Variants in TMEM132B observed in about 807,000 individuals in gnomAD.
TMEM132B encodes the protein transmembrane protein 132B.
Under a neutral mutation model 90.8 loss-of-function variants are expected in TMEM132B, and 18 were observed. That is an observed-to-expected ratio of 0.20 (90% confidence interval 0.14 to 0.29). The LOEUF (loss-of-function observed/expected upper bound fraction) is 0.29. TMEM132B is among the 10% of genes least tolerant of loss of function. TMEM132B has a pLI of 1.00. For missense variants in TMEM132B, 1,096 were observed against 1,326.8 expected, an observed-to-expected ratio of 0.83 and a Z score of 2.70; for synonymous variants, 504 against 523.3, an observed-to-expected ratio of 0.96 and a Z score of 0.50.
intron 3 of TMEM132B, among the ~76,000 whole-genome samples, chr12:125,451,483 A>C (rs1881149901): frequency 6.6e-6 from 1 of 152,222 alleles, no homozygotes; most frequent in African/African-American, 2.4e-5. Context: ...AAATATTGAC[A>C]ATAAATGAAT....
intron 3 of TMEM132B, among the ~76,000 whole-genome samples, chr12:125,461,439 C>T (rs1180757024): frequency 6.6e-6 from 1 of 152,246 alleles, no homozygotes; most frequent in Non-Finnish European, 1.5e-5. Flanking sequence ...AGGGCTGGTA[C>T]TGGCCCCGGG....
intron 4 of TMEM132B, among the ~76,000 whole-genome samples, chr12:125,548,870 G>T (rs577122729): frequency 4.6e-5 from 7 of 152,336 alleles, no homozygotes; most frequent in African/African-American, 1.4e-4. Flanking sequence ...TGCTAGGAAG[G>T]AGGTGCAGAG....
chr12:125,209,927 C>T lies in TMEM132B; in HGVS notation c.67+23061C>T, dbSNP rs1873281414. Among the ~76,000 whole-genome samples, 1 of 152,146 alleles carries T rather than the reference C, an allele frequency of 6.6e-6. No individual in the cohort carries two copies. Among genetic ancestry groups the T allele is most frequent in the South Asian group, 2.1e-4 (1 of 4,828 alleles). ...GTCCTGTGAGTCTCGTAGGTGCCTGCTCATTCGCTTGGTCATTCATTCATT... is the reference window on the plus strand; with the variant it reads ...GTCCTGTGAGTCTCGTAGGTGCCTGTTCATTCGCTTGGTCATTCATTCATT... On this transcript the variant is annotated intron_variant, in intron 1 of 8. Transcript: ENST00000682704. This position sits in a 1 kb window ranked among gnomAD's most constrained non-coding sequence, Gnocchi z 4.4.
At chr12:125,628,496 C>G (rs1044827841) in intron 5 of TMEM132B, among the ~76,000 whole-genome samples, 5 of 151,910 alleles carry the variant, frequency 3.3e-5, no homozygotes, top group Non-Finnish European at 7.4e-5. Flanking sequence ...TTGAATTATT[C>G]AATTTTTTTC....
At chr12:125,198,365 G>A (rs571399069) in intron 1 of TMEM132B, among the ~76,000 whole-genome samples, 1 of 152,318 alleles carries the variant, frequency 6.6e-6, no homozygotes, top group East Asian at 1.9e-4. Flanking sequence ...CTTCTGCTCT[G>A]TCTGCCACTT....
At chr12:125,326,721 AC>A in intron 1 of TMEM132B, 1 of 1,574,990 alleles carries the variant, frequency 6.3e-7, no homozygotes, top group Non-Finnish European at 8.6e-7. Flanking sequence ...CAGGGATGGG[AC>A]CAGACCCAAG....
chr12:125,303,180 A>G (rs1405419441), intron 1 of TMEM132B, among the ~76,000 whole-genome samples: 2 of 152,036 alleles, frequency 1.3e-5, no homozygotes, highest in Non-Finnish European at 1.5e-5. Flanking sequence ...GATAACCTCA[A>G]ATCTACTTTT....
chr12:125,298,762 C>T (rs1415561409), intron 1 of TMEM132B, among the ~76,000 whole-genome samples: 3 of 148,734 alleles, frequency 2.0e-5, no homozygotes, highest in Non-Finnish European at 3.0e-5. Flanking sequence ...GAGACGGGGT[C>T]TCTCTCTGTC....
chr12:125,255,374 G>A (rs990366443), intron 1 of TMEM132B, among the ~76,000 whole-genome samples: 7 of 152,058 alleles, frequency 4.6e-5, no homozygotes, highest in African/African-American at 9.7e-5. Flanking sequence ...AGCCACAGTT[G>A]CCCACGGGGG....
In TMEM132B at chr12:125,393,091, A is replaced by G. The variant is rs376459782; in HGVS notation, c.960-22440A>G. On this transcript the variant is annotated intron_variant, in intron 2 of 8. Coordinates refer to ENST00000682704, the MANE Select transcript of TMEM132B (RefSeq NM_001366854.1). ...AGAGAGGCATAAGCACCTTCCTTCC[A>G]GGAGCATCTGCCTTAGCTTGAGAAG... Among the ~76,000 whole-genome samples, 5 of 152,364 alleles carry G rather than the reference A, an allele frequency of 3.3e-5. No homozygotes were observed. In the East Asian group the frequency reaches 7.7e-4, roughly 24 times the overall value.
Position 125,393,937 on chromosome 12 carries a change from CAG to C in TMEM132B, c.960-21587_960-21586del, listed in dbSNP as rs1458633130. Among the ~76,000 whole-genome samples, 4 of 152,242 alleles carry C rather than the reference CAG, an allele frequency of 2.6e-5. No homozygotes were observed. The East Asian group carries it at 7.7e-4, about 29-fold the overall frequency. On this transcript the variant is annotated intron_variant, in intron 2 of 8. Coordinates refer to ENST00000682704, the MANE Select transcript of TMEM132B (RefSeq NM_001366854.1). ...CTATTGGTTGAACCCAACTGGAAGC[CAG>C]AGAGAGGACGAAGGAGCCTCTGAGT...
At chr12:125,195,357 C>T (rs961102920) in intron 1 of TMEM132B, among the ~76,000 whole-genome samples, 4 of 147,002 alleles carry the variant, frequency 2.7e-5, no homozygotes, top group African/African-American at 1.0e-4. Context: ...ATGGAGTGGG[C>T]GAGCAGAGAT....
At chr12:125,391,873 C>T (rs1425377015) in intron 2 of TMEM132B, among the ~76,000 whole-genome samples, 1 of 152,042 alleles carries the variant, frequency 6.6e-6, no homozygotes, top group Non-Finnish European at 1.5e-5. Flanking sequence ...CTCGTCTGGT[C>T]CTGCTGCCTT....
At chr12:125,268,843 G>A (rs144718305) in intron 1 of TMEM132B, among the ~76,000 whole-genome samples, 130 of 152,300 alleles carry the variant, frequency 8.5e-4, no homozygotes, top group African/African-American at 2.8e-3. Context: ...CTGAGAGGGC[G>A]TGGGTTTCCC....
intron 5 of TMEM132B, among the ~76,000 whole-genome samples, chr12:125,633,156 T>C (rs1886405575): frequency 6.6e-6 from 1 of 152,230 alleles, no homozygotes; most frequent in African/African-American, 2.4e-5. Context: ...AAATAACTTG[T>C]CTTCAAGCTC....
intron 3 of TMEM132B, among the ~76,000 whole-genome samples, chr12:125,470,380 T>G (rs1003352532): frequency 1.3e-5 from 2 of 152,150 alleles, no homozygotes; most frequent in Non-Finnish European, 1.5e-5. Context: ...TAGGGGAGAA[T>G]TTTTCAGCTC....
chr12:125,625,860 G>A (rs548818124), intron 5 of TMEM132B, among the ~76,000 whole-genome samples: 1 of 152,246 alleles, frequency 6.6e-6, no homozygotes, highest in African/African-American at 2.4e-5. Context: ...AGCTTGTAGT[G>A]TTATCTCTTA....
At chr12:125,436,162 T>C (rs181844408) in intron 3 of TMEM132B, among the ~76,000 whole-genome samples, 36 of 152,278 alleles carry the variant, frequency 2.4e-4, no homozygotes, top group African/African-American at 8.4e-4. Flanking sequence ...AGTCCAACTG[T>C]CTGAACTGCA....
intron 4 of TMEM132B, among the ~76,000 whole-genome samples, chr12:125,552,193 C>T (rs1481504354): frequency 1.3e-5 from 2 of 152,122 alleles, no homozygotes; most frequent in South Asian, 2.1e-4. Flanking sequence ...AGATCGTGGC[C>T]CTGTATTTGT....
Sources: allele counts gnomAD v4.1 joint callset (sites outside exome capture counted in the v4.1 genomes callset), GRCh38; gene constraint gnomAD v4.1.1; non-coding constraint Gnocchi (gnomAD v3.1); transcripts MANE v1.5; gene names NCBI Gene and HGNC (gene_info 2026-07-23, HGNC 2026-07-21).